Variants in PRKCQ observed in about 807,000 individuals in gnomAD.
The protein encoded by PRKCQ is protein kinase C theta, also known as protein kinase C theta type.
In PRKCQ, 41 loss-of-function variants were observed where a neutral mutation model predicts 91.2. The observed-to-expected ratio is 0.45, with a 90% CI of 0.35 to 0.58. The LOEUF is 0.58. Ranked by LOEUF, PRKCQ falls within the 20% of genes least tolerant of loss-of-function variation. The pLI, the probability that PRKCQ is intolerant of heterozygous loss-of-function variation, is 0.00. For synonymous variants in PRKCQ, 307 were observed against 316.9 expected (o/e 0.97, Z 0.33); for missense variants, 673 against 896.5 (o/e 0.75, Z 3.18).
At chr10:6,440,273 T>C (rs1268738732) in intron 16 of PRKCQ, among the ~76,000 whole-genome samples, 1 of 152,166 alleles carries the variant, frequency 6.6e-6, no homozygotes. Context: ...CCCAAGACAA[T>C]CTGCTGGGCA....
At chr10:6,534,677 T>C (rs578094132) in intron 1 of PRKCQ, among the ~76,000 whole-genome samples, 2 of 151,520 alleles carry the variant, frequency 1.3e-5, no homozygotes, top group Admixed American at 1.3e-4. Flanking sequence ...TATAATGGCA[T>C]GTAACTATAA....
chr10:6,476,861 C>T (rs1338917864), intron 12 of PRKCQ, among the ~76,000 whole-genome samples: 2 of 152,126 alleles, frequency 1.3e-5, no homozygotes, highest in African/African-American at 4.8e-5. Context: ...TGTCTCCTTG[C>T]CTGCAGGTGA....
chr10:6,491,467 T>C (rs968210388), intron 8 of PRKCQ, among the ~76,000 whole-genome samples: 5 of 152,196 alleles, frequency 3.3e-5, no homozygotes, highest in African/African-American at 1.2e-4. Flanking sequence ...TGAACTGTTG[T>C]GCTCTTTTCT....
chr10:6,465,576 C>T lies in PRKCQ; in HGVS notation c.1354-1172G>A, dbSNP rs1212648595. On this transcript the variant is annotated intron_variant, in intron 12 of 17. Coordinates refer to ENST00000263125, the MANE Select transcript of PRKCQ (RefSeq NM_006257.5). The surrounding 1 kb of genome is among the most constrained non-coding windows in gnomAD (Gnocchi z 4.4). ...CCATAAAGTGTGAGGACCTTCGGTGCGTCTGGGCATGAATTTGCATCTGAA... is the reference window on the plus strand; with the variant it reads ...CCATAAAGTGTGAGGACCTTCGGTGTGTCTGGGCATGAATTTGCATCTGAA... Among the ~76,000 whole-genome samples, 4 of 152,164 alleles carry T rather than the reference C, an allele frequency of 2.6e-5. No individual in the cohort carries two copies. The highest frequency in any genetic ancestry group is 6.5e-5 in the Admixed American group (1 of 15,284).
chr10:6,478,938 ATCATGCT>A, intron 12 of PRKCQ, 47 bp downstream of exon 12: 1 of 1,588,946 alleles, frequency 6.3e-7, no homozygotes, highest in Non-Finnish European at 8.6e-7. Flanking sequence ...CATTGAAGGT[ATCATGCT>A]GAGACAGGTT....
At chr10:6,404,952 TTCTA>T in the PRKCQ span, among the ~76,000 whole-genome samples, 209 of 52,852 alleles carry the variant, frequency 4.0e-3, 2 homozygotes, top group South Asian at 0.05. Context: ...CCTTCCTTCC[TTCTA>T]TCCTTCCTTC....
At chr10:6,574,462 C>T (rs994885638) in intron 1 of PRKCQ, among the ~76,000 whole-genome samples, 11 of 152,192 alleles carry the variant, frequency 7.2e-5, no homozygotes, top group African/African-American at 2.2e-4. Flanking sequence ...TGATTAATAA[C>T]GTGCTCTTTC....
At chr10:6,443,021 C>A (rs113912197) in intron 15 of PRKCQ, among the ~76,000 whole-genome samples, 158 of 152,242 alleles carry the variant, frequency 1.0e-3, no homozygotes, top group Middle Eastern at 3.4e-3. Flanking sequence ...CTAAGAGCTA[C>A]CTACAGCTCG....
intron 1 of PRKCQ, among the ~76,000 whole-genome samples, chr10:6,532,414 T>C (rs947674181): frequency 2.0e-5 from 3 of 152,256 alleles, no homozygotes; most frequent in Non-Finnish European, 4.4e-5. Context: ...CCATTCAGAT[T>C]ATTTTGTGAC....
chr10:6,471,528 A>G (rs979220857), intron 12 of PRKCQ, among the ~76,000 whole-genome samples: 1 of 151,952 alleles, frequency 6.6e-6, no homozygotes, highest in Non-Finnish European at 1.5e-5. Context: ...GGATCACTTG[A>G]GGTCAGGAGT....
At chr10:6,544,674 G>A (rs1839889385) in intron 1 of PRKCQ, among the ~76,000 whole-genome samples, 1 of 149,986 alleles carries the variant, frequency 6.7e-6, no homozygotes, top group African/African-American at 2.5e-5. Context: ...AGGCTGGAGT[G>A]CAGTGGCATG....
chr10:6,546,250 C>T (rs1350244496), intron 1 of PRKCQ, among the ~76,000 whole-genome samples: 1 of 151,964 alleles, frequency 6.6e-6, no homozygotes, highest in Non-Finnish European at 1.5e-5. Context: ...TAATAGTAAG[C>T]GTCTTAAAAC....
In PRKCQ at chr10:6,430,871, C is replaced by A. The variant is rs147040074; in HGVS notation, c.1904G>T (p.Arg635Leu). 2 of 1,614,136 alleles carry A rather than the reference C, an allele frequency of 1.2e-6. No individual in the cohort carries two copies. The highest frequency in any genetic ancestry group is 1.7e-5 in the Admixed American group (1 of 60,016). Residue 635 changes from arginine to leucine, a missense_variant, in exon 17 of 18, where the codon CGG becomes CTG. Coordinates refer to ENST00000263125, the MANE Select transcript of PRKCQ (RefSeq NM_006257.5). This position sits in a 1 kb window ranked among gnomAD's most constrained non-coding sequence, Gnocchi z 4.7. Reference sequence around the variant, plus strand: ...TTCAAGTTCCTCCCAGTTGATCTCCCGAAACAAAGGGTGCTGGCGGATGTC... The same window carrying A: ...TTCAAGTTCCTCCCAGTTGATCTCCAGAAACAAAGGGTGCTGGCGGATGTC... ...RGDIRQHPLF[R>L]EINWEELERK...
the PRKCQ span, among the ~76,000 whole-genome samples, chr10:6,404,972 C>CCTTCCT: frequency 9.5e-5 from 6 of 63,300 alleles, no homozygotes; most frequent in Non-Finnish European, 9.9e-5. Context: ...CCTTCCTTCT[C>CCTTCCT]TCTCTCTCTC....
intron 4 of PRKCQ, among the ~76,000 whole-genome samples, chr10:6,500,744 T>C (rs1452747159): frequency 1.3e-5 from 2 of 152,208 alleles, no homozygotes; most frequent in East Asian, 1.9e-4. Context: ...AATCTATTTA[T>C]GTGGTCTAAC....
intron 1 of PRKCQ, among the ~76,000 whole-genome samples, chr10:6,552,844 T>C (rs1280216971): frequency 6.6e-6 from 1 of 152,066 alleles, no homozygotes; most frequent in Non-Finnish European, 1.5e-5. Flanking sequence ...ATAGGGATTA[T>C]ATCTGTCAAT....
chr10:6,569,496 G>T (rs1840955570), intron 1 of PRKCQ, among the ~76,000 whole-genome samples: 2 of 152,142 alleles, frequency 1.3e-5, no homozygotes, highest in South Asian at 2.1e-4. Context: ...TATCCCGGGG[G>T]CACTGGGTAG....
At chr10:6,534,099 AT>A (rs1839489693) in intron 1 of PRKCQ, among the ~76,000 whole-genome samples, 1 of 151,874 alleles carries the variant, frequency 6.6e-6, no homozygotes, top group Non-Finnish European at 1.5e-5. Context: ...TAATTATTTA[AT>A]ATCATTAAAA....
intron 1 of PRKCQ, among the ~76,000 whole-genome samples, chr10:6,559,081 AT>A (rs1840527602): frequency 6.6e-6 from 1 of 152,236 alleles, no homozygotes; most frequent in Non-Finnish European, 1.5e-5. Context: ...ATCTGCTAAC[AT>A]TTCAGCAATA....
Sources: allele counts gnomAD v4.1 joint callset (sites outside exome capture counted in the v4.1 genomes callset), GRCh38; gene constraint gnomAD v4.1.1; non-coding constraint Gnocchi (gnomAD v3.1); transcripts MANE v1.5; gene names NCBI Gene and HGNC (gene_info 2026-07-23, HGNC 2026-07-21).